DPP10: variants seen among roughly 807,000 people sequenced by gnomAD.
The protein encoded by DPP10 is dipeptidyl peptidase like 10, also known as inactive dipeptidyl peptidase 10.
DPP10 carries 33 observed loss-of-function variants against 120.9 expected under a neutral mutation model. The observed-to-expected ratio is 0.27, with a 90% confidence interval of 0.21 to 0.37. The LOEUF (loss-of-function observed/expected upper bound fraction) is 0.37, where lower values mean the gene tolerates loss of function less well. DPP10 is among the 10% of genes least tolerant of loss of function. The pLI, the probability that DPP10 is intolerant of heterozygous loss-of-function variation, is 1.00. For missense variants in DPP10, 816 were observed against 942.8 expected, an observed-to-expected ratio of 0.87 and a Z score of 1.76; for synonymous variants, 337 against 326.1, an observed-to-expected ratio of 1.03 and a Z score of -0.36.
At chr2:114,591,783 G>C (rs987535757) in intron 1 of DPP10, among the ~76,000 whole-genome samples, 1 of 151,886 alleles carries the variant, frequency 6.6e-6, no homozygotes, top group Non-Finnish European at 1.5e-5. Flanking sequence ...TCGAACTCCT[G>C]ACCTCATGAT....
chr2:114,877,988 G>A (rs1691296831), intron 1 of DPP10, among the ~76,000 whole-genome samples: 1 of 151,906 alleles, frequency 6.6e-6, no homozygotes, highest in African/African-American at 2.4e-5. Flanking sequence ...AAGGCTGCTG[G>A]GAATCAGAGT....
At chr2:115,734,471 C>T (rs1032040638) in intron 8 of DPP10, among the ~76,000 whole-genome samples, 3 of 151,852 alleles carry the variant, frequency 2.0e-5, no homozygotes, top group East Asian at 1.9e-4. Context: ...GCCTCGCCAA[C>T]GTGGTAAAAC....
At chr2:115,286,526 A>AATATATATATATAT (rs1553538951) in intron 1 of DPP10, among the ~76,000 whole-genome samples, 2 of 60,946 alleles carry the variant, frequency 3.3e-5, no homozygotes, top group South Asian at 5.1e-4. Flanking sequence ...ATATATATAT[A>AATATATATATATAT]ATATATATAT....
intron 5 of DPP10, among the ~76,000 whole-genome samples, chr2:115,581,887 G>T (rs756384617): frequency 9.9e-5 from 15 of 152,036 alleles, no homozygotes; most frequent in Non-Finnish European, 2.1e-4. Context: ...GCATCTAGAG[G>T]CGTTACCAGT....
intron 1 of DPP10, among the ~76,000 whole-genome samples, chr2:114,606,095 G>T (rs189813719): frequency 4.8e-4 from 73 of 152,218 alleles, no homozygotes; most frequent in African/African-American, 1.7e-3. Context: ...AAGATATTTA[G>T]TATTCAATAA....
chr2:115,815,645 T>C, intron 20 of DPP10, 30 bp from the exon 21 acceptor site: 1 of 1,583,764 alleles, frequency 6.3e-7, no homozygotes, highest in Non-Finnish European at 8.6e-7. Context: ...CTCACAAAGA[T>C]ATAACTATTG....
chr2:115,361,457 G>A (rs980912567), intron 3 of DPP10, among the ~76,000 whole-genome samples: 1 of 151,960 alleles, frequency 6.6e-6, no homozygotes, highest in African/African-American at 2.4e-5. Flanking sequence ...TTTGAGGGTG[G>A]TCAATGGACA....
chr2:114,951,581 A>G (rs1412756854), intron 1 of DPP10, among the ~76,000 whole-genome samples: 1 of 152,178 alleles, frequency 6.6e-6, no homozygotes, highest in African/African-American at 2.4e-5. Flanking sequence ...AGAGTGAAAA[A>G]GAAGGTTTTT....
At chr2:115,474,688 G>C (rs2074957078) in intron 3 of DPP10, among the ~76,000 whole-genome samples, 1 of 148,944 alleles carries the variant, frequency 6.7e-6, no homozygotes. Context: ...GAAAAACAGA[G>C]TGTAAAAGAT....
intron 1 of DPP10, among the ~76,000 whole-genome samples, chr2:115,276,605 A>G (rs2059930451): frequency 1.3e-5 from 2 of 152,316 alleles, no homozygotes; most frequent in East Asian, 1.9e-4. Flanking sequence ...GAACTTAATG[A>G]TGCCATTTAT....
intron 20 of DPP10, 38 bp downstream of exon 20, chr2:115,815,025 A>G: frequency 6.4e-7 from 1 of 1,554,992 alleles, no homozygotes; most frequent in Non-Finnish European, 8.8e-7. Context: ...GTTTTCTATA[A>G]TGACAGAGTC....
intron 5 of DPP10, among the ~76,000 whole-genome samples, chr2:115,661,020 G>A (rs889411002): frequency 2.0e-5 from 3 of 151,740 alleles, no homozygotes; most frequent in Non-Finnish European, 4.4e-5. Context: ...GCGTGATCTC[G>A]GCTCACTGCA....
At chr2:115,707,387 C>T (rs189150439) in intron 7 of DPP10, among the ~76,000 whole-genome samples, 24 of 148,232 alleles carry the variant, frequency 1.6e-4, no homozygotes, top group African/African-American at 4.0e-4. Context: ...TATTCTATGA[C>T]CATAAAGGAA....
At chr2:114,756,280 G>A (rs769630394) in intron 1 of DPP10, among the ~76,000 whole-genome samples, 1 of 152,150 alleles carries the variant, frequency 6.6e-6, no homozygotes, top group East Asian at 1.9e-4. Flanking sequence ...TGTGCAGTCA[G>A]AAAAAGGCAA....
chr2:115,110,116 AAAT>A (rs892143909), intron 1 of DPP10, among the ~76,000 whole-genome samples: 14 of 152,214 alleles, frequency 9.2e-5, no homozygotes, highest in East Asian at 1.9e-4. Flanking sequence ...GTCAGGAAGA[AAAT>A]AATAATTACC....
Position 115,309,367 on chromosome 2 carries a change from A to C in DPP10, c.175+14A>C, listed in dbSNP as rs767171511. ...TCTTAACCCCAGGTAATCTGTCTTTATTCCTCTCTTATGATGGATGGTATT... is the reference window on the plus strand; with the variant it reads ...TCTTAACCCCAGGTAATCTGTCTTTCTTCCTCTCTTATGATGGATGGTATT... On this transcript the variant is annotated intron_variant, in intron 2 of 25. Transcript: ENST00000410059. 6.2e-7 allele frequency: 1 copy of C among 1,607,220 alleles called. No homozygotes were observed. Among genetic ancestry groups the C allele is most frequent in the African/African-American group, 1.3e-5 (1 of 74,736 alleles).
chr2:115,289,320 G>C (rs1298604621), intron 1 of DPP10, among the ~76,000 whole-genome samples: 2 of 151,776 alleles, frequency 1.3e-5, no homozygotes, highest in East Asian at 1.9e-4. Flanking sequence ...CACAAACAAT[G>C]GGAAAAGCAT....
intron 3 of DPP10, among the ~76,000 whole-genome samples, chr2:115,367,039 C>T (rs1182832618): frequency 6.6e-6 from 1 of 151,934 alleles, no homozygotes; most frequent in African/African-American, 2.4e-5. Flanking sequence ...AATTTGACGT[C>T]CCTAATAGAT....
rs1413030871 is a variant in DPP10, at chr2:115,402,873, ATATG to A, written c.271+58963_271+58966del. Among the ~76,000 whole-genome samples, 28 of 118,298 alleles carry A rather than the reference ATATG, an allele frequency of 2.4e-4. 1 individual carries two copies. Among genetic ancestry groups the A allele is most frequent in the African/African-American group, 7.0e-4 (22 of 31,638 alleles). 77.6% of individuals were successfully genotyped at this position (118,298 alleles called of 152,430 possible). A position where few individuals can be genotyped will look rare whatever the true frequency, so the allele number is the denominator to read the frequency against. ...AAAAAAAATATATATATATATATATATATGTGTGTGTGTGTGTGTATATATATAT... is the reference window on the plus strand; with the variant it reads ...AAAAAAAATATATATATATATATATATGTGTGTGTGTGTGTATATATATAT... On this transcript the variant is annotated intron_variant, in intron 3 of 25. Transcript: ENST00000410059.
Sources: allele counts gnomAD v4.1 joint callset (sites outside exome capture counted in the v4.1 genomes callset), GRCh38; gene constraint gnomAD v4.1.1; transcripts MANE v1.5; gene names NCBI Gene and HGNC (gene_info 2026-07-23, HGNC 2026-07-21).